The following CDK11A variants were observed in gnomAD, a reference collection of about 807,000 sequenced individuals.
CDK11A encodes cyclin-dependent kinase 11A.
Under a neutral mutation model 83.6 loss-of-function variants are expected in CDK11A, and 55 were observed. The observed-to-expected ratio is 0.66, with a 90% confidence interval of 0.53 to 0.82. The LOEUF (loss-of-function observed/expected upper bound fraction) is 0.82. Among genes scored for constraint, CDK11A ranks in the 40% least tolerant of loss-of-function variants. The pLI, the probability that CDK11A is intolerant of heterozygous loss-of-function variation, is 0.00. For synonymous variants in CDK11A, 247 were observed against 302.7 expected, an observed-to-expected ratio of 0.82 and a Z score of 1.91; for missense variants, 564 against 810.1, an observed-to-expected ratio of 0.70 and a Z score of 3.69.
In CDK11A at chr1:1,719,498, G is replaced by A. The variant is rs758105482; in HGVS notation, c.228-43C>T. The A allele has an allele frequency of 4.4e-6, 6 of 1,369,614 alleles. No homozygotes were observed. The African/African-American group carries it at 4.5e-5, about 10-fold the overall frequency. 84.8% of individuals were successfully genotyped at this position (1,369,614 alleles called of 1,614,324 possible). A position where few individuals can be genotyped will look rare whatever the true frequency, so the allele number is the denominator to read the frequency against. ...AGCACTGCGTCATGCTTGAGAAAGT[G>A]CGGAAAAGCATCAGGCTATTATGAG... is the stretch of plus-strand genomic sequence containing the variant. On this transcript the variant is annotated intron_variant, in intron 3 of 19. Transcript: ENST00000404249.
Position 1,708,238 on chromosome 1 carries a change from T to C in CDK11A, c.1011A>G (p.Val337=). The C allele has an allele frequency of 1.3e-6, 2 of 1,544,906 alleles. No homozygotes were observed. Among genetic ancestry groups the C allele is most frequent in the African/African-American group, 1.4e-5 (1 of 71,176 alleles). The change falls in exon 10 of 20, where the codon GTA becomes GTG. Residue 337 remains valine, a synonymous_variant. Transcript: ENST00000404249. ...EEASEQSAEE[V]SEEEMSEDEE... The stretch of plus-strand genomic sequence containing the variant: ...CATCTTCACTCATTTCTTCCTCACT[T>C]ACTTCTTCTGCAAGAGAAAGGAGGC...
At chr1:1,721,350 C>A (rs1048396191) in intron 3 of CDK11A, among the ~76,000 whole-genome samples, 1 of 150,826 alleles carries the variant, frequency 6.6e-6, no homozygotes, top group Non-Finnish European at 1.5e-5. Context: ...AAACAGCACA[C>A]CCCGTCACAG....
chr1:1,704,685 C>A lies in CDK11A; in HGVS notation c.1459-30G>T, dbSNP rs1204884254. Reference sequence around the variant, plus strand: ...AGGGCACGGCTCTGTGGGTGCTGGGCACCTCCAGGCCCCCACCCACCCCTG... The same window carrying A: ...AGGGCACGGCTCTGTGGGTGCTGGGAACCTCCAGGCCCCCACCCACCCCTG... On this transcript the variant is annotated intron_variant, in intron 13 of 19. Coordinates refer to ENST00000404249, the MANE Select transcript of CDK11A (RefSeq NM_024011.4). The A allele has an allele frequency of 2.5e-6, 4 of 1,595,088 alleles. 1 individual carries two copies. Among genetic ancestry groups the A allele is most frequent in the Non-Finnish European group, 3.4e-6 (4 of 1,169,670 alleles).
At chr1:1,718,585 C>T (rs1368389513) in intron 4 of CDK11A, among the ~76,000 whole-genome samples, 2 of 150,200 alleles carry the variant, frequency 1.3e-5, no homozygotes, top group African/African-American at 4.9e-5. Context: ...AGTATTCTCT[C>T]TATAGCCATT....
chr1:1,716,510 C>A lies in CDK11A; in HGVS notation c.356-32G>T, dbSNP rs752313298. On this transcript the variant is annotated intron_variant, in intron 4 of 19. Coordinates refer to ENST00000404249, the MANE Select transcript of CDK11A (RefSeq NM_024011.4). ...AGAAATAAAGTGTCATGCAAAGAAA[C>A]CTCACTTCAAAAATTTCACGAGGCC... 9 of 1,600,698 alleles carry A rather than the reference C, an allele frequency of 5.6e-6. No individual in the cohort carries two copies. In the African/African-American group the frequency reaches 1.1e-4, roughly 19 times the overall value.
chr1:1,704,831 G>T, intron 13 of CDK11A, 73 bp downstream of exon 13: 1 of 1,605,178 alleles, frequency 6.2e-7, no homozygotes, highest in Non-Finnish European at 8.5e-7. Flanking sequence ...GGAAGCACCC[G>T]GCCCCAGGAC....
rs761591598 is a variant in CDK11A at position 1,704,608 on chromosome 1, G to A, written c.1506C>T (p.Asn502=). The change falls in exon 14 of 20, where the codon AAC becomes AAT. Residue 502 remains asparagine, a synonymous_variant. Coordinates refer to ENST00000404249, the MANE Select transcript of CDK11A (RefSeq NM_024011.4). ...GGCTCTTGAGGTCGTGCTCCACGTAGTTCATCACGATGTAGATCTTGTCCA... is the reference window on the plus strand; with the variant it reads ...GGCTCTTGAGGTCGTGCTCCACGTAATTCATCACGATGTAGATCTTGTCCA... ...SNMDKIYIVM[N]YVEHDLKSLM... 1.2e-6 allele frequency: 2 copies of A among 1,600,232 alleles called. No homozygotes were observed. Among genetic ancestry groups the A allele is most frequent in the African/African-American group, 2.7e-5 (2 of 73,604 alleles).
intron 3 of CDK11A, among the ~76,000 whole-genome samples, chr1:1,719,801 G>A (rs1428398149): frequency 6.6e-6 from 1 of 150,518 alleles, no homozygotes; most frequent in Non-Finnish European, 1.5e-5. Context: ...ATTTTTAGTA[G>A]AGACGGGGTT....
chr1:1,704,394 G>A lies in CDK11A; in HGVS notation c.1565-50C>T, dbSNP rs747307626. ...TGGACCCGGCCGCCCCAAGCCCAGG[G>A]CACTCAGGGTGGCCCGCTCGCCTCG... On this transcript the variant is annotated intron_variant, in intron 14 of 19. Coordinates refer to ENST00000404249, the MANE Select transcript of CDK11A (RefSeq NM_024011.4). 8 of 1,601,056 alleles carry A rather than the reference G, an allele frequency of 5.0e-6. 1 individual carries two copies. The highest frequency in any genetic ancestry group is 6.8e-6 in the Non-Finnish European group (8 of 1,173,204).
chr1:1,706,150 G>A (rs1429761967), intron 11 of CDK11A, among the ~76,000 whole-genome samples: 2 of 149,782 alleles, frequency 1.3e-5, no homozygotes, highest in Non-Finnish European at 3.0e-5. Flanking sequence ...TCGGCTCACT[G>A]CAACCTCCAC....
chr1:1,704,168 T>A (rs1644208027), intron 15 of CDK11A, 22 bp from the exon 16 acceptor site: 1 of 1,607,122 alleles, frequency 6.2e-7, no homozygotes. Context: ...GATGGGCGGC[T>A]GTGGGTGGGC....
chr1:1,718,431 G>C (rs1247932878), intron 4 of CDK11A, among the ~76,000 whole-genome samples: 1 of 148,628 alleles, frequency 6.7e-6, no homozygotes, highest in Non-Finnish European at 1.5e-5. Flanking sequence ...GCTCTCCATA[G>C]CCCTTCTGAA....
rs767682522 is a variant in CDK11A, at chr1:1,703,956, A to G, written c.1795-16T>C. 4 of 1,608,888 alleles carry G rather than the reference A, an allele frequency of 2.5e-6. No individual in the cohort carries two copies. Among genetic ancestry groups the G allele is most frequent in the Middle Eastern group, 1.7e-4 (1 of 6,026 alleles). On this transcript the variant is annotated splice_polypyrimidine_tract_variant and intron_variant, in intron 16 of 19. Transcript: ENST00000404249. ...TGGAGTATTCCTAAGACGCCAGGAG[A>G]GGTGTTCAGGAAGGCCAGTGCCCGC...
chr1:1,721,480 G>C, intron 3 of CDK11A, 116 bp downstream of exon 3: 1 of 1,223,184 alleles, frequency 8.2e-7, no homozygotes, highest in Non-Finnish European at 1.1e-6. Context: ...GTAACTCTAG[G>C]AAAGAGTAAA....
rs1201361958 is a variant in CDK11A at position 1,702,552 on chromosome 1, G to GA, written c.*354dup. 6.5e-5 allele frequency among the ~76,000 whole-genome samples: 7 copies of GA among 107,002 alleles called. No individual in the cohort carries two copies. Among genetic ancestry groups the GA allele is most frequent in the Non-Finnish European group, 2.1e-5 (1 of 48,404 alleles). The allele number at this position is 107,002 out of a possible 152,430, so 70.2% of individuals were successfully genotyped here. ...AGAGGGCATCGCTCATCCCAACACA[G>GA]AAACAGGTCTCCAGCTCCGAAGATT... On this transcript the variant is annotated 3_prime_UTR_variant, in exon 20 of 20. Transcript: ENST00000404249.
In CDK11A at chr1:1,704,026, G is replaced by A. The variant is rs372197886; in HGVS notation, c.1794+13C>T. 8.8e-6 allele frequency: 14 copies of A among 1,598,164 alleles called. 1 individual carries two copies. The highest frequency in any genetic ancestry group is 6.7e-5 in the African/African-American group (5 of 74,350). On this transcript the variant is annotated intron_variant, in intron 16 of 19. Coordinates refer to ENST00000404249, the MANE Select transcript of CDK11A (RefSeq NM_024011.4). Reference sequence around the variant, plus strand: ...TGGGGGACAGGGGAGGCACTCAGACGCCCAGGACTCACCTTGGCACCAAGC... The same window carrying A: ...TGGGGGACAGGGGAGGCACTCAGACACCCAGGACTCACCTTGGCACCAAGC...
At chr1:1,707,350 C>A (rs1354438040) in intron 11 of CDK11A, 59 bp downstream of exon 11, 6 of 1,565,006 alleles carry the variant, frequency 3.8e-6, no homozygotes, top group Non-Finnish European at 5.2e-6. Flanking sequence ...TCGCTCAGCC[C>A]CTGTGGTAAC....
intron 4 of CDK11A, chr1:1,719,080 G>T: frequency 4.1e-6 from 1 of 246,306 alleles, no homozygotes; most frequent in Non-Finnish European, 7.8e-6. Context: ...TCTGGTTTTC[G>T]GTCTGTGACG....
chr1:1,708,477 C>T (rs1243903847), intron 9 of CDK11A, among the ~76,000 whole-genome samples: 2 of 135,248 alleles, frequency 1.5e-5, no homozygotes, highest in Non-Finnish European at 3.3e-5. Flanking sequence ...CCCGTCTCGA[C>T]TAAAAATACA....
Sources: gnomAD v4.1 joint callset for allele counts (sites outside exome capture counted in the v4.1 genomes callset) on GRCh38, gnomAD v4.1.1 for gene constraint, MANE v1.5 for transcripts, NCBI Gene and HGNC (gene_info 2026-07-23, HGNC 2026-07-21) for gene names.